Variants in MACROD2 observed in about 807,000 individuals in gnomAD.
The protein encoded by MACROD2 is mono-ADP ribosylhydrolase 2, also known as ADP-ribose glycohydrolase MACROD2.
MACROD2 carries 36 observed loss-of-function variants against 70.4 expected under a neutral mutation model. The observed-to-expected ratio is 0.51, with a 90% CI of 0.39 to 0.68. The LOEUF (loss-of-function observed/expected upper bound fraction) is 0.68. Among genes scored for constraint, MACROD2 ranks in the 30% least tolerant of loss-of-function variants. The probability of loss-of-function intolerance (pLI) is 0.00; values close to 1 mark genes in which losing one functional copy is unlikely to be tolerated. For missense variants in MACROD2, 496 were observed against 538.4 expected (o/e 0.92, Z 0.78); for synonymous variants, 172 against 178.8 (o/e 0.96, Z 0.30).
intron 5 of MACROD2, among the ~76,000 whole-genome samples, chr20:14,690,348 G>A (rs2123608789): frequency 6.6e-6 from 1 of 152,280 alleles, no homozygotes; most frequent in South Asian, 2.1e-4. Flanking sequence ...GAAACTCTAA[G>A]GTGAGAGACC....
intron 5 of MACROD2, among the ~76,000 whole-genome samples, chr20:15,156,654 A>T (rs2076308874): frequency 6.6e-6 from 1 of 152,140 alleles, no homozygotes; most frequent in Non-Finnish European, 1.5e-5. Flanking sequence ...GGCCTGGGTG[A>T]TTCATTTCAG....
intron 7 of MACROD2, among the ~76,000 whole-genome samples, chr20:15,450,160 ATATTAT>A (rs1193023291): frequency 2.0e-5 from 3 of 152,088 alleles, no homozygotes; most frequent in Non-Finnish European, 4.4e-5. Context: ...TATACACTGT[ATATTAT>A]ATATAGTATG....
chr20:15,609,531 T>C (rs1600663339), intron 8 of MACROD2, among the ~76,000 whole-genome samples: 1 of 152,330 alleles, frequency 6.6e-6, no homozygotes, highest in South Asian at 2.1e-4. Context: ...TAATTTGGAA[T>C]ACAGAGAATT....
chr20:15,611,911 C>T (rs555360354), intron 8 of MACROD2, among the ~76,000 whole-genome samples: 1 of 147,772 alleles, frequency 6.8e-6, no homozygotes, highest in African/African-American at 2.5e-5. Context: ...TGTATGTCTG[C>T]ATAACAAAGC....
At chr20:14,501,579 T>G (rs2084915189) in intron 4 of MACROD2, among the ~76,000 whole-genome samples, 2 of 152,116 alleles carry the variant, frequency 1.3e-5, no homozygotes, top group Admixed American at 1.3e-4. Context: ...TTTTAGAGTT[T>G]GCGTTTTTAA....
chr20:14,089,630 A>G (rs2054122247), intron 3 of MACROD2, among the ~76,000 whole-genome samples: 1 of 152,186 alleles, frequency 6.6e-6, no homozygotes, highest in Non-Finnish European at 1.5e-5. Flanking sequence ...GAAATTATGC[A>G]TATTTAGTAT....
intron 8 of MACROD2, among the ~76,000 whole-genome samples, chr20:15,636,854 C>G (rs1335821164): frequency 6.6e-6 from 1 of 151,996 alleles, no homozygotes; most frequent in East Asian, 1.9e-4. Flanking sequence ...AGGGGATGAG[C>G]TGTCACATGG....
intron 4 of MACROD2, among the ~76,000 whole-genome samples, chr20:14,535,917 T>C (rs2085358401): frequency 6.6e-6 from 1 of 152,238 alleles, no homozygotes; most frequent in South Asian, 2.1e-4. Context: ...AGCACTAATG[T>C]AATTCACTTT....
intron 5 of MACROD2, among the ~76,000 whole-genome samples, chr20:14,844,963 C>G (rs1243823262): frequency 6.6e-6 from 1 of 152,082 alleles, no homozygotes; most frequent in East Asian, 1.9e-4. Flanking sequence ...ACCTCTCTGC[C>G]TTTGTCCATG....
At chr20:16,029,906 A>G (rs779056457) in intron 15 of MACROD2, among the ~76,000 whole-genome samples, 9 of 152,206 alleles carry the variant, frequency 5.9e-5, no homozygotes, top group Non-Finnish European at 1.0e-4. Flanking sequence ...ATTTAAGAGG[A>G]CATACATAAG....
intron 8 of MACROD2, among the ~76,000 whole-genome samples, chr20:15,729,374 G>A (rs2050909724): frequency 6.6e-6 from 1 of 152,152 alleles, no homozygotes; most frequent in Non-Finnish European, 1.5e-5. Flanking sequence ...CTTTTGGGGT[G>A]GAGAGTTCTG....
At chr20:14,280,801 A>G (rs978792903) in intron 3 of MACROD2, among the ~76,000 whole-genome samples, 8 of 152,234 alleles carry the variant, frequency 5.3e-5, no homozygotes, top group Non-Finnish European at 1.2e-4. Context: ...TTAGTCGATC[A>G]TTATTTCTCC....
intron 3 of MACROD2, among the ~76,000 whole-genome samples, chr20:14,200,814 G>A (rs1454337978): frequency 6.6e-6 from 1 of 152,002 alleles, no homozygotes; most frequent in Admixed American, 6.5e-5. Flanking sequence ...TTGCTTCTTT[G>A]TATTTGAACT....
chr20:15,873,303 A>G (rs1204086383), intron 9 of MACROD2, among the ~76,000 whole-genome samples: 1 of 152,086 alleles, frequency 6.6e-6, no homozygotes. Flanking sequence ...TTACATTCCC[A>G]TGAGTGGTAC....
intron 3 of MACROD2, among the ~76,000 whole-genome samples, chr20:14,245,964 G>T (rs1250970149): frequency 1.3e-5 from 2 of 152,152 alleles, no homozygotes; most frequent in Non-Finnish European, 2.9e-5. Context: ...TGCAAGTATT[G>T]TTTTATCTCA....
In MACROD2 at chr20:15,045,719, G is replaced by GTTTTTTT. The variant is rs71335981; in HGVS notation, c.419-184202_419-184196dup. On this transcript the variant is annotated intron_variant, in intron 5 of 17. Coordinates refer to ENST00000684519, the MANE Select transcript of MACROD2 (RefSeq NM_001351661.2). ...TCTGATAATTTCTCTCCAGACCAGG[G>GTTTTTTT]TTTTTTTTTTTTTTTTTTTTTTTTT... Among the ~76,000 whole-genome samples the GTTTTTTT allele has an allele frequency of 3.4e-3, 247 of 73,336 alleles. 1 individual carries two copies. Among genetic ancestry groups the GTTTTTTT allele is most frequent in the East Asian group, 5.0e-3 (11 of 2,198 alleles). 48.1% of individuals were successfully genotyped at this position (73,336 alleles called of 152,430 possible).
rs1406815284 is a variant in MACROD2 at position 14,515,473 on chromosome 20, A to ACGCGCGCG, written c.301+21966_301+21967insGCGCGCGC. On this transcript the variant is annotated intron_variant, in intron 4 of 17. Transcript: ENST00000684519. ...GTGAGATACACACACACGCACACAC[A>ACGCGCGCG]CACACACACACACACACACACACAC... 2.4e-3 allele frequency among the ~76,000 whole-genome samples: 164 copies of ACGCGCGCG among 67,552 alleles called. No homozygotes were observed. In the Middle Eastern group the frequency reaches 0.029, roughly 12 times the overall value. The allele number at this position is 67,552 out of a possible 152,430, so 44.3% of individuals were successfully genotyped here. A position where few individuals can be genotyped will look rare whatever the true frequency, so the allele number is the denominator to read the frequency against.
rs948029169 is a variant in MACROD2 at position 15,433,726 on chromosome 20, G to T, written c.571+2291G>T. Reference sequence around the variant, plus strand: ...AAATTCATATGGAACCAAAAAAACAGCCTGCATAGCCAAAGTAATATTAAG... The same window carrying T: ...AAATTCATATGGAACCAAAAAAACATCCTGCATAGCCAAAGTAATATTAAG... On this transcript the variant is annotated intron_variant, in intron 7 of 17. Transcript: ENST00000684519. Among the ~76,000 whole-genome samples, 3 of 143,830 alleles carry T rather than the reference G, an allele frequency of 2.1e-5. No homozygotes were observed. In the Admixed American group the frequency reaches 2.1e-4, roughly 10 times the overall value. 94.4% of individuals were successfully genotyped at this position (143,830 alleles called of 152,430 possible).
rs1219688372 is a variant in MACROD2 at position 14,085,697 on chromosome 20, A to G, written c.240A>G (p.Thr80=). The G allele has an allele frequency of 3.2e-6, 5 of 1,567,280 alleles. No individual in the cohort carries two copies. In the Admixed American group the frequency reaches 8.9e-5, roughly 28 times the overall value. ...TTTCTCTCTATAGAGGTGACATCACATTGCTAGAGGTAGATGCTATAGTCA... is the reference window on the plus strand; with the variant it reads ...TTTCTCTCTATAGAGGTGACATCACGTTGCTAGAGGTAGATGCTATAGTCA... The part of the protein sequence containing the change: ...EKVSLYRGDI[T]LLEVDAIVNA... Residue 80 remains threonine (T), a synonymous_variant, in exon 3 of 18, where the codon ACA becomes ACG. Coordinates refer to ENST00000684519, the MANE Select transcript of MACROD2 (RefSeq NM_001351661.2).
Sources: allele counts gnomAD v4.1 joint callset (sites outside exome capture counted in the v4.1 genomes callset), GRCh38; gene constraint gnomAD v4.1.1; transcripts MANE v1.5; gene names NCBI Gene and HGNC (gene_info 2026-07-23, HGNC 2026-07-21).